FOXJ2: variants seen among roughly 807,000 people sequenced by gnomAD.
FOXJ2 encodes the protein forkhead box protein J2.
Under a neutral mutation model 68.4 loss-of-function variants are expected in FOXJ2, and 18 were observed. That is an observed-to-expected ratio of 0.26 (90% CI 0.18 to 0.39). The LOEUF (loss-of-function observed/expected upper bound fraction) is 0.39, where lower values mean the gene tolerates loss of function less well. FOXJ2 is among the 10% of genes least tolerant of loss of function. The pLI, the probability that FOXJ2 is intolerant of heterozygous loss-of-function variation, is 1.00. For missense variants in FOXJ2, 670 were observed against 726.5 expected (o/e 0.92, Z 0.89); for synonymous variants, 274 against 263.2 (o/e 1.04, Z -0.40).
intron 1 of FOXJ2, among the ~76,000 whole-genome samples, chr12:8,036,211 CTTTG>C (rs1946892963): frequency 6.6e-6 from 1 of 152,232 alleles, no homozygotes; most frequent in Non-Finnish European, 1.5e-5. Flanking sequence ...CCACTGCCCT[CTTTG>C]TTCTAGCATT....
rs896388976 is a variant in FOXJ2, at chr12:8,032,946, G to C, written c.-902G>C. ...CTCCCGGACCGTGCTGCCCAGGCCAGCTCAGGGACAGCCGGGAGTACGAAA... is the reference window on the plus strand; with the variant it reads ...CTCCCGGACCGTGCTGCCCAGGCCACCTCAGGGACAGCCGGGAGTACGAAA... On this transcript the variant is annotated 5_prime_UTR_variant, in exon 1 of 11. Coordinates refer to ENST00000162391, the MANE Select transcript of FOXJ2 (RefSeq NM_018416.3). This position sits in a 1 kb window ranked among gnomAD's most constrained non-coding sequence, Gnocchi z 4.8. 2.5e-5 allele frequency: 10 copies of C among 397,212 alleles called. No homozygotes were observed. In the Admixed American group the frequency reaches 4.0e-4, roughly 16 times the overall value. The allele number at this position is 397,212 out of a possible 1,614,324, so 24.6% of individuals were successfully genotyped here.
intron 2 of FOXJ2, 78 bp from the exon 3 acceptor site, chr12:8,042,580 T>G: frequency 8.2e-7 from 1 of 1,213,490 alleles, no homozygotes; most frequent in Admixed American, 1.8e-5. Flanking sequence ...TGTTTTTTTG[T>G]GTGTCCCTCT....
intron 10 of FOXJ2, among the ~76,000 whole-genome samples, chr12:8,052,546 A>G (rs773547934): frequency 6.6e-6 from 1 of 152,310 alleles, no homozygotes; most frequent in African/African-American, 2.4e-5. Flanking sequence ...ATGGCAGCAT[A>G]ATATTTAATT....
intron 1 of FOXJ2, among the ~76,000 whole-genome samples, chr12:8,034,053 G>A (rs888230551): frequency 7.9e-5 from 12 of 152,186 alleles, no homozygotes; most frequent in African/African-American, 2.9e-4. Flanking sequence ...CTAAAGGGAT[G>A]GGATTCATTT....
At chr12:8,050,158 T>C in intron 9 of FOXJ2, 1 of 226,026 alleles carries the variant, frequency 4.4e-6, no homozygotes, top group Non-Finnish European at 8.1e-6. Flanking sequence ...GTATTTTGTG[T>C]ATAGCTGGGG....
chr12:8,051,006 C>CCCCTTCCCTTTCCCTT (rs1947116819), intron 10 of FOXJ2, among the ~76,000 whole-genome samples: 3 of 104,054 alleles, frequency 2.9e-5, no homozygotes, highest in Non-Finnish European at 5.8e-5. Context: ...CCCTTTCCTT[C>CCCCTTCCCTTTCCCTT]CCCTTCCCTT....
intron 1 of FOXJ2, among the ~76,000 whole-genome samples, chr12:8,039,594 A>C (rs1946938216): frequency 6.6e-6 from 1 of 152,182 alleles, no homozygotes; most frequent in Non-Finnish European, 1.5e-5. Context: ...TTAGTCTTAC[A>C]TGGAGAGGCC....
At chr12:8,042,623 A>G (rs1316114753) in intron 2 of FOXJ2, 35 bp from the exon 3 acceptor site, 1 of 1,578,500 alleles carries the variant, frequency 6.3e-7, no homozygotes, top group East Asian at 2.2e-5. Flanking sequence ...GCTCTGCATA[A>G]TGCTCAGGCC....
chr12:8,048,865 C>T, intron 8 of FOXJ2, 67 bp downstream of exon 8: 4 of 1,317,234 alleles, frequency 3.0e-6, no homozygotes, highest in Non-Finnish European at 4.3e-6. Flanking sequence ...GAAACTGGAA[C>T]CGGAAGGGGG....
chr12:8,041,497 C>T (rs1015204501), intron 2 of FOXJ2, among the ~76,000 whole-genome samples: 11 of 151,522 alleles, frequency 7.3e-5, no homozygotes, highest in South Asian at 2.1e-4. Context: ...TGTGAGCCAC[C>T]GTACCCAGCC....
chr12:8,038,751 GGCAGTGTGGGTGGCA>G lies in FOXJ2; in HGVS notation c.-14-1063_-14-1049del, dbSNP rs1445603876. ...ACCTCTCTGCTGGCAAGAGTGCCCA[GGCAGTGTGGGTGGCA>G]GCAGGGCGTGCAAGCATCAGGCGTA... On this transcript the variant is annotated intron_variant, in intron 1 of 10. Transcript: ENST00000162391. This position sits in a 1 kb window ranked among gnomAD's most constrained non-coding sequence, Gnocchi z 5.3. Among the ~76,000 whole-genome samples the G allele has an allele frequency of 3.9e-5, 6 of 152,244 alleles. No individual in the cohort carries two copies. The highest frequency in any genetic ancestry group is 1.2e-4 in the African/African-American group (5 of 41,462).
chr12:8,049,324 C>G (rs374998509), intron 8 of FOXJ2, 38 bp from the exon 9 acceptor site: 35 of 1,562,046 alleles, frequency 2.2e-5, no homozygotes, highest in Admixed American at 3.5e-5. Flanking sequence ...GGCTTCCTAC[C>G]TCTGCAAGGT....
Position 8,053,126 on chromosome 12 carries a change from C to T in FOXJ2, c.*276C>T, listed in dbSNP as rs183197482. 5.7e-4 allele frequency: 89 copies of T among 157,158 alleles called. No homozygotes were observed. The highest frequency in any genetic ancestry group is 6.3e-3 in the Middle Eastern group (2 of 318). 9.7% of individuals were successfully genotyped at this position (157,158 alleles called of 1,614,324 possible). ...ATTGGTTATATACTGTCCATAGTCT[C>T]CTGTCCCTACATCATGGATCATGTC... On this transcript the variant is annotated 3_prime_UTR_variant, in exon 11 of 11. Coordinates refer to ENST00000162391, the MANE Select transcript of FOXJ2 (RefSeq NM_018416.3). The surrounding 1 kb of genome is among the most constrained non-coding windows in gnomAD (Gnocchi z 4.1).
Position 8,049,378 on chromosome 12 carries a change from A to T in FOXJ2, c.1344A>T (p.Leu448=). 1.2e-6 allele frequency: 2 copies of T among 1,613,222 alleles called. No homozygotes were observed. The highest frequency in any genetic ancestry group is 1.7e-6 in the Non-Finnish European group (2 of 1,179,518). ...QSQFSELMES[L]RQAEQKNWTL... is the part of the protein sequence containing the mutation. ...TCTTTGTAGAACTGATGGAGAGTCTACGACAGGCAGAGCAGAAGAACTGGA... is the reference window on the plus strand; with the variant it reads ...TCTTTGTAGAACTGATGGAGAGTCTTCGACAGGCAGAGCAGAAGAACTGGA... The change falls in exon 9 of 11, where the codon CTA becomes CTT. Residue 448 remains leucine (L), a synonymous_variant. Transcript: ENST00000162391.
rs752050119 is a variant in FOXJ2 at position 8,052,728 on chromosome 12, C to T, written c.1637-34C>T. On this transcript the variant is annotated intron_variant, in intron 10 of 10. Coordinates refer to ENST00000162391, the MANE Select transcript of FOXJ2 (RefSeq NM_018416.3). ...AATTGAGGGAACAGCTTCCCATCCA[C>T]TCTCCTTTTACTCTCTTTCTTTCTT... 1.9e-6 allele frequency: 3 copies of T among 1,559,876 alleles called. No homozygotes were observed. The South Asian group carries it at 3.4e-5, about 18-fold the overall frequency.
chr12:8,042,925 A>G (rs530953210), intron 3 of FOXJ2, among the ~76,000 whole-genome samples, 193 bp downstream of exon 3: 46 of 152,074 alleles, frequency 3.0e-4, no homozygotes, highest in Non-Finnish European at 6.3e-4. Flanking sequence ...TGACTGAGAA[A>G]GACTGTGAGG....
At position 8,033,211 on chromosome 12, in the gene FOXJ2, G is replaced by T; in HGVS notation, c.-637G>T. Reference sequence around the variant, plus strand: ...AAGCAGAGTGAGACCACCCTAGCGCGCCCCCGCCCCTCCAAACACACACTC... The same window carrying T: ...AAGCAGAGTGAGACCACCCTAGCGCTCCCCCGCCCCTCCAAACACACACTC... On this transcript the variant is annotated 5_prime_UTR_variant, in exon 1 of 11. Coordinates refer to ENST00000162391, the MANE Select transcript of FOXJ2 (RefSeq NM_018416.3). 2 of 233,964 alleles carry T rather than the reference G, an allele frequency of 8.5e-6. No individual in the cohort carries two copies. The highest frequency in any genetic ancestry group is 1.6e-5 in the Non-Finnish European group (2 of 121,686). The allele number at this position is 233,964 out of a possible 1,614,324, so 14.5% of individuals were successfully genotyped here. A position where few individuals can be genotyped will look rare whatever the true frequency, so the allele number is the denominator to read the frequency against.
At position 8,038,881 on chromosome 12, in the gene FOXJ2, A is replaced by G. The variant is rs1591575567; in HGVS notation, c.-14-938A>G. ...GAAGGAGGGAGGAGGAGGGCGGAGA[A>G]GGGGAGCCAGCTCCGAGCTCCAGAG... On this transcript the variant is annotated intron_variant, in intron 1 of 10. Transcript: ENST00000162391. The surrounding 1 kb of genome is among the most constrained non-coding windows in gnomAD (Gnocchi z 5.3). Among the ~76,000 whole-genome samples, 1 of 152,172 alleles carries G rather than the reference A, an allele frequency of 6.6e-6. No homozygotes were observed. Among genetic ancestry groups the G allele is most frequent in the Non-Finnish European group, 1.5e-5 (1 of 68,032 alleles).
At position 8,055,424 on chromosome 12, in the gene FOXJ2, T is replaced by A. The variant is rs1424623503; in HGVS notation, c.*2574T>A. ...ACCCATAATGCTTTGCATTGCTGCA[T>A]CCTGGGAAGGGGGTATATGGTCTCA... On this transcript the variant is annotated 3_prime_UTR_variant, in exon 11 of 11. Coordinates refer to ENST00000162391, the MANE Select transcript of FOXJ2 (RefSeq NM_018416.3). 6.6e-6 allele frequency: 1 copy of A among 152,556 alleles called. No homozygotes were observed. The highest frequency in any genetic ancestry group is 1.5e-5 in the Non-Finnish European group (1 of 68,032). 9.5% of individuals were successfully genotyped at this position (152,556 alleles called of 1,614,324 possible).
Sources: gnomAD v4.1 joint callset for allele counts (sites outside exome capture counted in the v4.1 genomes callset) on GRCh38, gnomAD v4.1.1 for gene constraint, Gnocchi (gnomAD v3.1) non-coding constraint, MANE v1.5 for transcripts, NCBI Gene and HGNC (gene_info 2026-07-23, HGNC 2026-07-21) for gene names.